Variants in SAMMSON observed in about 807,000 individuals in gnomAD.
The protein encoded by SAMMSON is long intergenic non-protein coding RNA 1212.
chr3:70,007,919 C>CT (rs1223850594), intron 1 of SAMMSON, among the ~76,000 whole-genome samples: 4 of 151,944 alleles, frequency 2.6e-5, no homozygotes, highest in African/African-American at 9.7e-5. Context: ...TTCCCCATTT[C>CT]TTTTTTTTGT....
intron 4 of SAMMSON, among the ~76,000 whole-genome samples, chr3:70,191,474 G>A (rs1701131110): frequency 1.3e-5 from 2 of 152,128 alleles, no homozygotes; most frequent in South Asian, 2.1e-4. Flanking sequence ...TTCTAAAATG[G>A]AACACTAAAA....
At chr3:70,280,830 C>G (rs771174458) in intron 6 of SAMMSON, among the ~76,000 whole-genome samples, 1 of 152,078 alleles carries the variant, frequency 6.6e-6, no homozygotes, top group Admixed American at 6.6e-5. Flanking sequence ...ATCCCAGAGA[C>G]GGTACTGCCC....
intron 1 of SAMMSON, among the ~76,000 whole-genome samples, chr3:70,008,613 A>T (rs1247058635): frequency 6.6e-6 from 1 of 152,060 alleles, no homozygotes; most frequent in East Asian, 1.9e-4. Flanking sequence ...CTCTTTTCCT[A>T]CTTGAATACC....
At chr3:70,392,405 G>A (rs932617607), downstream of SAMMSON, among the ~76,000 whole-genome samples, 19 of 152,082 alleles carry the variant, frequency 1.2e-4, no homozygotes, top group African/African-American at 4.6e-4. Context: ...TGACTCCAAA[G>A]CCCCTGCAAG....
intron 9 of SAMMSON, among the ~76,000 whole-genome samples, chr3:70,369,457 A>G (rs1009119298): frequency 2.6e-5 from 4 of 151,566 alleles, no homozygotes; most frequent in African/African-American, 9.7e-5. Context: ...CTGTAAGACA[A>G]TTATGTCATC....
chr3:70,032,384 AG>A (rs1262380120), intron 3 of SAMMSON, among the ~76,000 whole-genome samples: 4 of 152,200 alleles, frequency 2.6e-5, no homozygotes, highest in Admixed American at 2.6e-4. Flanking sequence ...ATAGCAACAA[AG>A]ATTTGATAAA....
At chr3:70,244,101 GT>G (rs1701683680) in intron 4 of SAMMSON, among the ~76,000 whole-genome samples, 1 of 152,016 alleles carries the variant, frequency 6.6e-6, no homozygotes, top group African/African-American at 2.4e-5. Flanking sequence ...CTGCTCTTCG[GT>G]TTCCCCCACT....
chr3:70,335,063 GA>G (rs67923303), intron 7 of SAMMSON, among the ~76,000 whole-genome samples: 7 of 146,630 alleles, frequency 4.8e-5, no homozygotes, highest in South Asian at 2.2e-4. Context: ...CTGCTTTGGG[GA>G]AAAAAAAAAA....
intron 4 of SAMMSON, among the ~76,000 whole-genome samples, chr3:70,189,219 T>G (rs1189471715): frequency 6.6e-6 from 1 of 152,068 alleles, no homozygotes; most frequent in Non-Finnish European, 1.5e-5. Flanking sequence ...TGACAGGAAT[T>G]TTTTTTTGCA....
intron 4 of SAMMSON, among the ~76,000 whole-genome samples, chr3:70,101,259 A>C (rs924531352): frequency 6.6e-6 from 1 of 152,196 alleles, no homozygotes; most frequent in Non-Finnish European, 1.5e-5. Context: ...AGATGGGTCC[A>C]ATATTTAAAA....
At chr3:70,203,625 G>A (rs1353847659) in intron 4 of SAMMSON, among the ~76,000 whole-genome samples, 1 of 152,028 alleles carries the variant, frequency 6.6e-6, no homozygotes, top group African/African-American at 2.4e-5. Context: ...AGGTGACACT[G>A]GTGCATTTAA....
At chr3:70,023,323 T>C (rs2067023570) in intron 3 of SAMMSON, among the ~76,000 whole-genome samples, 1 of 151,232 alleles carries the variant, frequency 6.6e-6, no homozygotes, top group South Asian at 2.1e-4. Flanking sequence ...TAGCCAGGCG[T>C]GGTGGCAGAC....
intron 3 of SAMMSON, among the ~76,000 whole-genome samples, chr3:70,064,649 G>A (rs2067202476): frequency 6.6e-6 from 1 of 152,082 alleles, no homozygotes; most frequent in South Asian, 2.1e-4. Context: ...TTTGGGTTTT[G>A]CCAGCCAAGG....
intron 7 of SAMMSON, chr3:70,312,491 T>G (rs1228413870): frequency 6.6e-6 from 1 of 152,260 alleles, no homozygotes; most frequent in Non-Finnish European, 1.5e-5. Flanking sequence ...TGCAGTGCAC[T>G]TGACTTTCAT....
rs191815476 is a variant in SAMMSON, at chr3:70,190,761, T to C, written n.508-58346T>C. 3.2e-3 allele frequency among the ~76,000 whole-genome samples: 481 copies of C among 152,286 alleles called. 7 individuals are homozygous for C. Among genetic ancestry groups the C allele is most frequent in the African/African-American group, 0.011 (461 of 41,560 alleles). On this transcript the variant is annotated intron_variant and non_coding_transcript_variant, in intron 4 of 9. Transcript: ENST00000642114. Reference sequence around the variant, plus strand: ...CTAATAAATCACTTCATGGGGTGTATACATTCTAAGGGATGTAATTTTCTA... The same window carrying C: ...CTAATAAATCACTTCATGGGGTGTACACATTCTAAGGGATGTAATTTTCTA...
intron 4 of SAMMSON, among the ~76,000 whole-genome samples, chr3:70,082,217 C>T (rs900857757): frequency 6.6e-6 from 1 of 152,130 alleles, no homozygotes; most frequent in Non-Finnish European, 1.5e-5. Context: ...CCCACTCTGG[C>T]TCAAATAAGA....
intron 6 of SAMMSON, among the ~76,000 whole-genome samples, chr3:70,261,201 G>C (rs982988148): frequency 2.6e-5 from 4 of 152,138 alleles, no homozygotes; most frequent in Admixed American, 6.6e-5. Flanking sequence ...AAGACATTTG[G>C]TGGTCAAAGC....
At chr3:70,060,016 T>C (rs2107591571) in intron 3 of SAMMSON, among the ~76,000 whole-genome samples, 1 of 152,228 alleles carries the variant, frequency 6.6e-6, no homozygotes, top group African/African-American at 2.4e-5. Context: ...GTAGAATGTA[T>C]GAAAAAAGAA....
At chr3:70,404,444 C>T (rs1044063256) in intron 2 of SAMMSON, among the ~76,000 whole-genome samples, 3 of 151,998 alleles carry the variant, frequency 2.0e-5, no homozygotes, top group South Asian at 2.1e-4. Context: ...ACCCGGTAGA[C>T]ACAGAAGACC....
Sources: gnomAD v4.1 joint callset for allele counts (sites outside exome capture counted in the v4.1 genomes callset) on GRCh38, gnomAD v4.1.1 for gene constraint, MANE v1.5 for transcripts, NCBI Gene and HGNC (gene_info 2026-07-23, HGNC 2026-07-21) for gene names.